The following PRELID2 variants were observed in gnomAD, a reference collection of about 807,000 sequenced individuals.
The protein encoded by PRELID2 is PRELI domain containing 2.
Under a neutral mutation model 28.4 loss-of-function variants are expected in PRELID2, and 25 were observed. The ratio of observed to expected loss-of-function variants is 0.88; its 90% CI spans 0.64 to 1.23. The LOEUF is 1.23. PRELID2 is among the 50% of genes most tolerant of loss of function. The pLI is 0.00. For missense variants in PRELID2, 201 were observed against 214.4 expected (o/e 0.94, Z 0.39); for synonymous variants, 76 against 71.6 (o/e 1.06, Z -0.31).
intron 1 of PRELID2, among the ~76,000 whole-genome samples, chr5:145,473,945 A>G (rs1174546105): frequency 1.3e-5 from 2 of 152,214 alleles, no homozygotes; most frequent in Non-Finnish European, 2.9e-5. Context: ...TGCTATTGCA[A>G]TTACCAGGAG....
intron 1 of PRELID2, among the ~76,000 whole-genome samples, chr5:145,658,915 T>C (rs1052034436): frequency 6.6e-6 from 1 of 152,162 alleles, no homozygotes; most frequent in Admixed American, 6.5e-5. Flanking sequence ...GGGGGAACTT[T>C]AGGTACTGTG....
chr5:145,246,213 G>A, the PRELID2 span, among the ~76,000 whole-genome samples: 34 of 152,090 alleles, frequency 2.2e-4, no homozygotes, highest in East Asian at 4.9e-3. Context: ...AACCCCTACC[G>A]CCAAAAAAGA....
At chr5:145,676,237 A>AT (rs1561540875) in intron 1 of PRELID2, among the ~76,000 whole-genome samples, 1 of 148,772 alleles carries the variant, frequency 6.7e-6, no homozygotes, top group African/African-American at 2.5e-5. Flanking sequence ...AAAAAAAAAA[A>AT]AAAAATAATG....
At chr5:145,811,678 G>C (rs749902023) in intron 4 of PRELID2, among the ~76,000 whole-genome samples, 7 of 152,178 alleles carry the variant, frequency 4.6e-5, no homozygotes, top group Non-Finnish European at 1.0e-4. Flanking sequence ...AGTCAGGTTG[G>C]CTGTGTAAAT....
intron 1 of PRELID2, chr5:145,729,102 T>C (rs1200016938): frequency 1.9e-5 from 11 of 593,008 alleles, no homozygotes; most frequent in African/African-American, 3.7e-5. Context: ...CTTGGTCCCA[T>C]TGTTACCCTG....
chr5:145,246,638 T>A, the PRELID2 span, among the ~76,000 whole-genome samples: 36,733 of 151,998 alleles, frequency 0.24, 5,467 homozygotes, highest in Non-Finnish European at 0.31. Context: ...GGAGCAGGTA[T>A]GAGAGACATG....
the PRELID2 span, among the ~76,000 whole-genome samples, chr5:145,434,873 GCT>G: frequency 6.6e-6 from 1 of 152,206 alleles, no homozygotes; most frequent in Non-Finnish European, 1.5e-5. Flanking sequence ...ACTATTCTGA[GCT>G]AGATGAGAGG....
chr5:145,760,560 TA>T (rs1212453216), intron 6 of PRELID2, 35 bp from the exon 7 acceptor site: 1 of 152,174 alleles, frequency 6.6e-6, no homozygotes, highest in Non-Finnish European at 1.5e-5. Flanking sequence ...TATCACCTCA[TA>T]AACATGTCTC....
intron 1 of PRELID2, among the ~76,000 whole-genome samples, chr5:145,592,514 ACAG>A (rs1022267023): frequency 1.6e-4 from 24 of 152,254 alleles, no homozygotes; most frequent in African/African-American, 5.8e-4. Flanking sequence ...AGTGATGACC[ACAG>A]CAGAATAGAA....
At chr5:145,373,835 CAT>C in the PRELID2 span, among the ~76,000 whole-genome samples, 3 of 83,840 alleles carry the variant, frequency 3.6e-5, no homozygotes, top group East Asian at 1.1e-3. Context: ...TATATTACAA[CAT>C]ATATAATATA....
At chr5:145,379,996 G>C in the PRELID2 span, among the ~76,000 whole-genome samples, 2 of 152,146 alleles carry the variant, frequency 1.3e-5, no homozygotes, top group African/African-American at 4.8e-5. Flanking sequence ...AGGGCTAAAG[G>C]CTATGGGAAC....
At chr5:145,368,104 A>G in the PRELID2 span, among the ~76,000 whole-genome samples, 1 of 151,880 alleles carries the variant, frequency 6.6e-6, no homozygotes, top group Non-Finnish European at 1.5e-5. Flanking sequence ...TTATTTGTTT[A>G]TATATTTATT....
intron 1 of PRELID2, among the ~76,000 whole-genome samples, chr5:145,732,772 CA>C (rs921644703): frequency 6.6e-6 from 1 of 151,912 alleles, no homozygotes; most frequent in African/African-American, 2.4e-5. Flanking sequence ...CATAACTATC[CA>C]AGAGCAAGTA....
chr5:145,659,058 G>A (rs1040985156), intron 1 of PRELID2, among the ~76,000 whole-genome samples: 1 of 152,206 alleles, frequency 6.6e-6, no homozygotes, highest in Non-Finnish European at 1.5e-5. Flanking sequence ...AGCAGAGGGA[G>A]CAAAGGAGAG....
the PRELID2 span, among the ~76,000 whole-genome samples, chr5:145,259,105 C>G: frequency 2.0e-5 from 3 of 152,144 alleles, no homozygotes; most frequent in African/African-American, 7.2e-5. Context: ...GCATAGAATA[C>G]AAGAGATGAG....
At chr5:145,570,147 A>C (rs1160127861) in intron 1 of PRELID2, among the ~76,000 whole-genome samples, 1 of 152,090 alleles carries the variant, frequency 6.6e-6, no homozygotes, top group Non-Finnish European at 1.5e-5. Flanking sequence ...TCTTTTTATA[A>C]GTATACCAGT....
At chr5:145,825,317 T>C (rs1264769189) in intron 1 of PRELID2, among the ~76,000 whole-genome samples, 2 of 145,160 alleles carry the variant, frequency 1.4e-5, no homozygotes, top group African/African-American at 5.0e-5. Context: ...TACATGCCCA[T>C]GACAGAGGGT....
chr5:145,319,310 T>G, the PRELID2 span, among the ~76,000 whole-genome samples: 25 of 152,118 alleles, frequency 1.6e-4, no homozygotes, highest in Non-Finnish European at 2.8e-4. Context: ...CTGAAGAAAG[T>G]GGTGTCCACC....
intron 1 of PRELID2, among the ~76,000 whole-genome samples, chr5:145,665,958 G>GA (rs1158054563): frequency 1.2e-4 from 11 of 91,376 alleles, no homozygotes; most frequent in Non-Finnish European, 2.4e-4. Context: ...ACTGCCTTAA[G>GA]AAAAAAATAG....
Sources: gnomAD v4.1 joint callset for allele counts (sites outside exome capture counted in the v4.1 genomes callset) on GRCh38, gnomAD v4.1.1 for gene constraint, MANE v1.5 for transcripts, NCBI Gene and HGNC (gene_info 2026-07-23, HGNC 2026-07-21) for gene names.